Variants in SLC24A3 observed in about 807,000 individuals in gnomAD.
SLC24A3 encodes the protein sodium/potassium/calcium exchanger 3.
SLC24A3 carries 28 observed loss-of-function variants against 75.8 expected under a neutral mutation model. The ratio of observed to expected loss-of-function variants is 0.37; its 90% CI spans 0.27 to 0.51. The LOEUF (loss-of-function observed/expected upper bound fraction) is 0.51. Ranked by LOEUF, SLC24A3 falls within the 20% of genes least tolerant of loss-of-function variation. The pLI, the probability that SLC24A3 is intolerant of heterozygous loss-of-function variation, is 0.94. For synonymous variants in SLC24A3, 372 were observed against 334.1 expected (o/e 1.11, Z -1.24); for missense variants, 663 against 847.8 (o/e 0.78, Z 2.71).
chr20:19,558,805 A>G (rs1203165826), intron 3 of SLC24A3, among the ~76,000 whole-genome samples: 2 of 152,188 alleles, frequency 1.3e-5, no homozygotes, highest in African/African-American at 4.8e-5. Context: ...TGCTGTGTGT[A>G]AAGAGGCAGT....
At chr20:19,639,239 G>A (rs2032039510) in intron 6 of SLC24A3, among the ~76,000 whole-genome samples, 1 of 152,202 alleles carries the variant, frequency 6.6e-6, no homozygotes, top group Non-Finnish European at 1.5e-5. Flanking sequence ...TAGATACAGA[G>A]TGTCAATTGG....
intron 3 of SLC24A3, among the ~76,000 whole-genome samples, chr20:19,522,956 A>C (rs2030131773): frequency 6.6e-6 from 1 of 152,142 alleles, no homozygotes; most frequent in South Asian, 2.1e-4. Context: ...CCAATTTTGA[A>C]ATACATATTA....
At chr20:19,443,105 A>T (rs1163318803) in intron 2 of SLC24A3, among the ~76,000 whole-genome samples, 1 of 152,206 alleles carries the variant, frequency 6.6e-6, no homozygotes, top group Non-Finnish European at 1.5e-5. Flanking sequence ...TAAGAGATGA[A>T]GTCAGGTAGT....
chr20:19,575,670 G>A (rs1299416140), intron 3 of SLC24A3, among the ~76,000 whole-genome samples: 1 of 152,224 alleles, frequency 6.6e-6, no homozygotes, highest in Non-Finnish European at 1.5e-5. Context: ...CAAGCCATGG[G>A]CTTGGATTCC....
chr20:19,644,952 T>G (rs1191117379), intron 6 of SLC24A3, among the ~76,000 whole-genome samples: 2 of 152,210 alleles, frequency 1.3e-5, no homozygotes, highest in African/African-American at 4.8e-5. Flanking sequence ...TTATTATACA[T>G]GAAGCAACAA....
At chr20:19,408,781 C>T (rs1482597256) in intron 2 of SLC24A3, among the ~76,000 whole-genome samples, 1 of 152,164 alleles carries the variant, frequency 6.6e-6, no homozygotes, top group African/African-American at 2.4e-5. Flanking sequence ...AAGCAAAATA[C>T]TGGTCAAAGG....
intron 15 of SLC24A3, 135 bp from the exon 16 acceptor site, chr20:19,717,393 G>A: frequency 1.3e-6 from 1 of 788,908 alleles, no homozygotes; most frequent in Non-Finnish European, 2.1e-6. Context: ...TGCTGAAGCT[G>A]TTGCTTTTTC....
intron 6 of SLC24A3, among the ~76,000 whole-genome samples, chr20:19,590,045 T>C (rs2031351894): frequency 6.6e-6 from 1 of 151,566 alleles, no homozygotes; most frequent in African/African-American, 2.4e-5. Flanking sequence ...GGATCTGGGG[T>C]CAATGCCAAG....
intron 2 of SLC24A3, among the ~76,000 whole-genome samples, chr20:19,312,799 TG>T (rs1487335065): frequency 6.6e-6 from 1 of 152,188 alleles, no homozygotes; most frequent in Non-Finnish European, 1.5e-5. Context: ...AGTTCCCATG[TG>T]CTTCTGAGGT....
At chr20:19,561,886 A>C (rs937900081) in intron 3 of SLC24A3, among the ~76,000 whole-genome samples, 5 of 152,164 alleles carry the variant, frequency 3.3e-5, no homozygotes, top group Non-Finnish European at 7.4e-5. Flanking sequence ...TTGTAACCAC[A>C]GTATCGTTAC....
chr20:19,504,398 T>C (rs1435535170), intron 2 of SLC24A3, among the ~76,000 whole-genome samples: 1 of 152,254 alleles, frequency 6.6e-6, no homozygotes, highest in African/African-American at 2.4e-5. Context: ...CACTTCACCT[T>C]CTATAAAATA....
At chr20:19,280,878 T>TCAGGGCAG in intron 1 of SLC24A3, 81 bp from the exon 2 acceptor site, 1 of 1,517,302 alleles carries the variant, frequency 6.6e-7, no homozygotes, top group Non-Finnish European at 8.9e-7. Flanking sequence ...TGATGGCTGA[T>TCAGGGCAG]CAGGGCAGCG....
intron 2 of SLC24A3, among the ~76,000 whole-genome samples, chr20:19,304,962 G>A (rs963643263): frequency 6.6e-6 from 1 of 152,092 alleles, no homozygotes; most frequent in Non-Finnish European, 1.5e-5. Context: ...TGAATGCAAA[G>A]TAACAGTTGT....
intron 1 of SLC24A3, among the ~76,000 whole-genome samples, chr20:19,276,722 T>G (rs541185952): frequency 6.6e-6 from 1 of 152,182 alleles, no homozygotes; most frequent in Admixed American, 6.5e-5. Context: ...CTGGGCAACA[T>G]AGTGAGACTC....
chr20:19,552,756 C>T (rs369728382), intron 3 of SLC24A3, among the ~76,000 whole-genome samples: 1 of 152,132 alleles, frequency 6.6e-6, no homozygotes, highest in South Asian at 2.1e-4. Flanking sequence ...GCTGCCTGCA[C>T]TCTCCCTGGC....
chr20:19,379,814 AAGG>A (rs1422053824), intron 2 of SLC24A3, among the ~76,000 whole-genome samples: 1 of 152,194 alleles, frequency 6.6e-6, no homozygotes, highest in East Asian at 1.9e-4. Flanking sequence ...TTTGGGATTG[AAGG>A]AGAATATGAT....
intron 7 of SLC24A3, among the ~76,000 whole-genome samples, chr20:19,665,497 A>T (rs1840386629): frequency 6.6e-6 from 1 of 152,262 alleles, no homozygotes; most frequent in African/African-American, 2.4e-5. Flanking sequence ...CTGAGCTCCT[A>T]CATCCCCTTG....
chr20:19,374,384 G>A (rs956799530), intron 2 of SLC24A3, among the ~76,000 whole-genome samples: 1 of 152,148 alleles, frequency 6.6e-6, no homozygotes, highest in African/African-American at 2.4e-5. Context: ...CTGGATTTGT[G>A]CCCCTGAAAA....
At chr20:19,530,752 G>A (rs6046162) in intron 3 of SLC24A3, among the ~76,000 whole-genome samples, 133,830 of 152,194 alleles carry the variant, frequency 0.88, 59,006 homozygotes, top group Middle Eastern at 0.92. Flanking sequence ...GTTCCAGGGA[G>A]CACAACAGAA....
Sources: gnomAD v4.1 joint callset for allele counts (sites outside exome capture counted in the v4.1 genomes callset) on GRCh38, gnomAD v4.1.1 for gene constraint, MANE v1.5 for transcripts, NCBI Gene and HGNC (gene_info 2026-07-23, HGNC 2026-07-21) for gene names.